The following SLC4A4 variants were observed in gnomAD, a reference collection of about 807,000 sequenced individuals.
SLC4A4 encodes electrogenic sodium bicarbonate cotransporter 1.
In SLC4A4, 27 loss-of-function variants were observed where a neutral mutation model predicts 111.5. The ratio of observed to expected loss-of-function variants is 0.24; its 90% CI spans 0.18 to 0.33. The LOEUF is 0.33. Among genes scored for constraint, SLC4A4 ranks in the 10% least tolerant of loss-of-function variants. The pLI, the probability that SLC4A4 is intolerant of heterozygous loss-of-function variation, is 1.00. For missense variants in SLC4A4, 909 were observed against 1,315.5 expected (o/e 0.69, Z 4.78); for synonymous variants, 443 against 463.4 (o/e 0.96, Z 0.57).
chr4:71,539,094 G>A (rs904977813), intron 18 of SLC4A4, among the ~76,000 whole-genome samples: 1 of 152,042 alleles, frequency 6.6e-6, no homozygotes, highest in Non-Finnish European at 1.5e-5. Flanking sequence ...TCTTTTATGG[G>A]AAAACCCTTA....
intron 2 of SLC4A4, among the ~76,000 whole-genome samples, chr4:71,165,473 T>C (rs1329730818): frequency 6.6e-6 from 1 of 152,118 alleles, no homozygotes; most frequent in Non-Finnish European, 1.5e-5. Flanking sequence ...AAACACCACA[T>C]GTTCTCACTC....
At chr4:71,160,418 A>C (rs1744590435) in intron 2 of SLC4A4, among the ~76,000 whole-genome samples, 1 of 152,128 alleles carries the variant, frequency 6.6e-6, no homozygotes, top group Admixed American at 6.6e-5. Flanking sequence ...GTACTTGATA[A>C]AATTGTAATT....
chr4:71,498,334 T>C (rs949439959), intron 16 of SLC4A4, among the ~76,000 whole-genome samples: 70 of 152,172 alleles, frequency 4.6e-4, no homozygotes, highest in Admixed American at 3.1e-3. Context: ...AAAAGACTAA[T>C]ATTTAGTTAA....
At chr4:71,482,285 A>G (rs1728953069) in intron 14 of SLC4A4, among the ~76,000 whole-genome samples, 1 of 151,710 alleles carries the variant, frequency 6.6e-6, no homozygotes. Flanking sequence ...GCAGATACTT[A>G]TTAAAATAAG....
intron 2 of SLC4A4, among the ~76,000 whole-genome samples, chr4:71,251,658 C>T (rs991447181): frequency 6.6e-6 from 1 of 152,176 alleles, no homozygotes; most frequent in African/African-American, 2.4e-5. Flanking sequence ...TAAATGAACA[C>T]TGTCAAATGT....
intron 1 of SLC4A4, among the ~76,000 whole-genome samples, chr4:71,190,537 A>T (rs959009302): frequency 3.9e-5 from 6 of 152,154 alleles, no homozygotes; most frequent in Non-Finnish European, 5.9e-5. Context: ...TGGTAGTCTC[A>T]GCAGTGCAAT....
intron 16 of SLC4A4, among the ~76,000 whole-genome samples, 196 bp from the exon 17 acceptor site, chr4:71,531,866 T>A (rs1192285636): frequency 3.3e-5 from 5 of 151,668 alleles, no homozygotes; most frequent in Non-Finnish European, 7.4e-5. Flanking sequence ...TACATTACAT[T>A]ATCTAGCCAG....
intron 2 of SLC4A4, among the ~76,000 whole-genome samples, chr4:71,119,549 C>A (rs1743360438): frequency 6.6e-6 from 1 of 152,036 alleles, no homozygotes. Flanking sequence ...GGTCACCTGG[C>A]TAAGTTTAAT....
At chr4:71,436,661 C>T (rs894512679) in intron 7 of SLC4A4, among the ~76,000 whole-genome samples, 2 of 152,178 alleles carry the variant, frequency 1.3e-5, no homozygotes, top group South Asian at 2.1e-4. Context: ...TCAGTGCTGG[C>T]TACTACTTAG....
At chr4:71,244,388 A>G (rs1030305129) in intron 2 of SLC4A4, among the ~76,000 whole-genome samples, 2 of 152,200 alleles carry the variant, frequency 1.3e-5, no homozygotes, top group Non-Finnish European at 2.9e-5. Context: ...GCCACCTACT[A>G]GAAATGCTCT....
chr4:71,337,791 A>T (rs1360699009), intron 3 of SLC4A4, among the ~76,000 whole-genome samples: 1 of 133,492 alleles, frequency 7.5e-6, no homozygotes, highest in Non-Finnish European at 1.7e-5. Flanking sequence ...CCACGTTGGG[A>T]TTATCATTTT....
chr4:71,361,505 A>G (rs1730786554), intron 6 of SLC4A4, among the ~76,000 whole-genome samples: 1 of 152,268 alleles, frequency 6.6e-6, no homozygotes, highest in African/African-American at 2.4e-5. Context: ...ACTAAATTTT[A>G]GGCAAATGCT....
At chr4:71,064,650 G>C (rs953136126) in intron 1 of SLC4A4, among the ~76,000 whole-genome samples, 5 of 152,192 alleles carry the variant, frequency 3.3e-5, no homozygotes, top group African/African-American at 9.7e-5. Flanking sequence ...CTAAGTGGAA[G>C]GAAAGAGTGA....
At chr4:71,314,335 G>A (rs955976848) in intron 3 of SLC4A4, among the ~76,000 whole-genome samples, 1 of 152,022 alleles carries the variant, frequency 6.6e-6, no homozygotes, top group Middle Eastern at 3.4e-3. Context: ...GTGTAAATTA[G>A]TTCCACTGTG....
At chr4:71,284,625 A>G (rs1488057613) in intron 3 of SLC4A4, among the ~76,000 whole-genome samples, 1 of 152,184 alleles carries the variant, frequency 6.6e-6, no homozygotes, top group Non-Finnish European at 1.5e-5. Context: ...ATTGCTAATA[A>G]TGTTAGATAA....
intron 1 of SLC4A4, among the ~76,000 whole-genome samples, chr4:71,229,727 T>C (rs1719282108): frequency 6.6e-6 from 1 of 151,804 alleles, no homozygotes; most frequent in African/African-American, 2.4e-5. Flanking sequence ...TGTCCAGAGC[T>C]CCAGCGGTCT....
intron 2 of SLC4A4, among the ~76,000 whole-genome samples, chr4:71,136,603 G>A (rs1158061425): frequency 6.6e-6 from 1 of 152,074 alleles, no homozygotes; most frequent in African/African-American, 2.4e-5. Flanking sequence ...TAAGAGTAAG[G>A]GTTCTGCTGT....
intron 2 of SLC4A4, among the ~76,000 whole-genome samples, chr4:71,099,497 C>T (rs185295094): frequency 3.9e-5 from 6 of 152,180 alleles, no homozygotes; most frequent in African/African-American, 1.4e-4. Flanking sequence ...TTAGAAACAT[C>T]TCAAATTAGC....
chr4:71,075,704 T>C (rs1423108190), intron 1 of SLC4A4, among the ~76,000 whole-genome samples: 2 of 152,098 alleles, frequency 1.3e-5, no homozygotes, highest in African/African-American at 4.8e-5. Flanking sequence ...GCGCGGTGGC[T>C]CACGCCTGTA....
Sources: gnomAD v4.1 joint callset for allele counts (sites outside exome capture counted in the v4.1 genomes callset) on GRCh38, gnomAD v4.1.1 for gene constraint, MANE v1.5 for transcripts, NCBI Gene and HGNC (gene_info 2026-07-23, HGNC 2026-07-21) for gene names.